MBOAT1: variants seen among roughly 807,000 people sequenced by gnomAD.
The protein encoded by MBOAT1 is membrane-bound glycerophospholipid O-acyltransferase 1.
A neutral mutation model predicts 64.4 loss-of-function variants in MBOAT1; 67 were observed. That is an observed-to-expected ratio of 1.04 (90% CI 0.85 to 1.27). The LOEUF (loss-of-function observed/expected upper bound fraction) is 1.27. Ranked by LOEUF, MBOAT1 falls within the 50% of genes most tolerant of loss-of-function variation. The pLI, the probability that MBOAT1 is intolerant of heterozygous loss-of-function variation, is 0.00. For missense variants in MBOAT1, 563 were observed against 604.6 expected, an observed-to-expected ratio of 0.93 and a Z score of 0.72; for synonymous variants, 229 against 218.9, an observed-to-expected ratio of 1.05 and a Z score of -0.41.
intron 3 of MBOAT1, among the ~76,000 whole-genome samples, chr6:20,150,730 AT>A (rs1199310228): frequency 2.9e-5 from 4 of 140,048 alleles, no homozygotes; most frequent in African/African-American, 7.6e-5. Flanking sequence ...CGCCCAGCTA[AT>A]TTTTTTTGGG....
At chr6:20,145,217 G>C (rs1761295904) in intron 3 of MBOAT1, among the ~76,000 whole-genome samples, 1 of 83,498 alleles carries the variant, frequency 1.2e-5, no homozygotes. Flanking sequence ...TTACAAAAGA[G>C]ACCCCAGAGA....
intron 1 of MBOAT1, among the ~76,000 whole-genome samples, chr6:20,190,215 G>C (rs1762767899): frequency 6.6e-6 from 1 of 152,024 alleles, no homozygotes; most frequent in Non-Finnish European, 1.5e-5. Context: ...GGCTGGTCTT[G>C]ATCTCCTGAC....
At chr6:20,207,996 T>C (rs1763311079) in intron 1 of MBOAT1, among the ~76,000 whole-genome samples, 1 of 152,222 alleles carries the variant, frequency 6.6e-6, no homozygotes. Context: ...CTGGCACTAA[T>C]AGCATTAAAT....
At chr6:20,133,822 G>T (rs1046805382) in intron 4 of MBOAT1, among the ~76,000 whole-genome samples, 2 of 152,136 alleles carry the variant, frequency 1.3e-5, no homozygotes, top group Non-Finnish European at 2.9e-5. Flanking sequence ...ATTTACATGT[G>T]CTGTGGCCGT....
At chr6:20,156,624 A>G (rs1184580538) in intron 1 of MBOAT1, among the ~76,000 whole-genome samples, 1 of 152,248 alleles carries the variant, frequency 6.6e-6, no homozygotes, top group Non-Finnish European at 1.5e-5. Context: ...AGCTGTTAGT[A>G]TGGCTATTAT....
chr6:20,190,268 C>T (rs568618251), intron 1 of MBOAT1, among the ~76,000 whole-genome samples: 31 of 152,274 alleles, frequency 2.0e-4, no homozygotes, highest in African/African-American at 5.8e-4. Context: ...TCTGGGATTA[C>T]AGGCATGAGC....
chr6:20,108,326 A>G (rs547801493), intron 12 of MBOAT1, among the ~76,000 whole-genome samples: 2 of 152,296 alleles, frequency 1.3e-5, no homozygotes, highest in African/African-American at 2.4e-5. Flanking sequence ...GCTGAAGCTT[A>G]TAATTCTCTT....
At chr6:20,102,961 A>C (rs1283783181) in intron 12 of MBOAT1, among the ~76,000 whole-genome samples, 1 of 152,252 alleles carries the variant, frequency 6.6e-6, no homozygotes, top group African/African-American at 2.4e-5. Context: ...CTGCCAGTTG[A>C]ATAAAAGGCC....
At chr6:20,170,599 C>T (rs1174476775) in intron 1 of MBOAT1, among the ~76,000 whole-genome samples, 2 of 152,132 alleles carry the variant, frequency 1.3e-5, no homozygotes, top group Non-Finnish European at 2.9e-5. Flanking sequence ...ATTCATTTCA[C>T]CCGGACAACA....
intron 3 of MBOAT1, 26 bp downstream of exon 3, chr6:20,151,159 T>G: frequency 6.5e-7 from 1 of 1,532,308 alleles, no homozygotes; most frequent in Non-Finnish European, 9.0e-7. Context: ...AATCTCACCT[T>G]GCATTGTTCA....
At chr6:20,144,195 C>T (rs533076702) in intron 4 of MBOAT1, 25 bp downstream of exon 4, 40 of 1,495,102 alleles carry the variant, frequency 2.7e-5, no homozygotes, top group Non-Finnish European at 3.4e-5. Context: ...CAGTAAAACC[C>T]CTCTCTCTAA....
chr6:20,200,936 C>T (rs1252992149), intron 1 of MBOAT1, among the ~76,000 whole-genome samples: 1 of 152,106 alleles, frequency 6.6e-6, no homozygotes, highest in South Asian at 2.1e-4. Context: ...CTAAACATCC[C>T]GGAGAGTATC....
At chr6:20,155,779 A>G (rs1761658283) in intron 1 of MBOAT1, among the ~76,000 whole-genome samples, 1 of 152,200 alleles carries the variant, frequency 6.6e-6, no homozygotes, top group Non-Finnish European at 1.5e-5. Context: ...AACTCTAACT[A>G]GAGACTTTAC....
chr6:20,155,359 C>G (rs939392793), intron 1 of MBOAT1, among the ~76,000 whole-genome samples: 18 of 152,168 alleles, frequency 1.2e-4, no homozygotes, highest in African/African-American at 3.9e-4. Context: ...AAGGTATGTT[C>G]CCTCCCTTCA....
intron 1 of MBOAT1, among the ~76,000 whole-genome samples, chr6:20,156,195 T>A (rs1339033287): frequency 6.8e-6 from 1 of 147,130 alleles, no homozygotes; most frequent in Non-Finnish European, 1.5e-5. Flanking sequence ...GGCGCGAACC[T>A]GGGAGGCAGA....
chr6:20,170,571 AC>A (rs1304312876), intron 1 of MBOAT1, among the ~76,000 whole-genome samples: 3 of 151,974 alleles, frequency 2.0e-5, no homozygotes, highest in Admixed American at 2.0e-4. Context: ...CCATATAGCT[AC>A]CTGAATTCAG....
At chr6:20,184,219 C>T (rs913291163) in intron 1 of MBOAT1, among the ~76,000 whole-genome samples, 1 of 152,170 alleles carries the variant, frequency 6.6e-6, no homozygotes, top group African/African-American at 2.4e-5. Flanking sequence ...CAGGCCCACC[C>T]ATGAGGGGAG....
intron 4 of MBOAT1, among the ~76,000 whole-genome samples, chr6:20,140,001 G>A (rs1761123961): frequency 1.3e-5 from 2 of 152,138 alleles, no homozygotes. Flanking sequence ...CTTTGACACA[G>A]GACCAAAGCC....
chr6:20,128,650 G>A, intron 6 of MBOAT1, 49 bp downstream of exon 6: 1 of 1,369,510 alleles, frequency 7.3e-7, no homozygotes, highest in Non-Finnish European at 1.0e-6. Context: ...AAAATCTCTA[G>A]ATACTGATAT....
Sources: gnomAD v4.1 joint callset for allele counts (sites outside exome capture counted in the v4.1 genomes callset) on GRCh38, gnomAD v4.1.1 for gene constraint, MANE v1.5 for transcripts, NCBI Gene and HGNC (gene_info 2026-07-23, HGNC 2026-07-21) for gene names.